OR51B5: variants seen among roughly 807,000 people sequenced by gnomAD.
OR51B5 encodes the protein olfactory receptor 51B5.
For synonymous variants in OR51B5, 186 were observed against 144.8 expected, an observed-to-expected ratio of 1.28 and a Z score of -2.04; for missense variants, 456 against 374.6, an observed-to-expected ratio of 1.22 and a Z score of -1.79.
chr11:5,395,221 G>A (rs1849849640), intron 1 of OR51B5, among the ~76,000 whole-genome samples: 1 of 152,202 alleles, frequency 6.6e-6, no homozygotes, highest in African/African-American at 2.4e-5. Flanking sequence ...CCAAGGAAGA[G>A]AGACAGCTTT....
chr11:5,418,248 A>T (rs1433388115), intron 1 of OR51B5, among the ~76,000 whole-genome samples: 4 of 151,876 alleles, frequency 2.6e-5, no homozygotes, highest in African/African-American at 9.7e-5. Flanking sequence ...CACTCTGGGG[A>T]CTGTTGTGGG....
intron 1 of OR51B5, among the ~76,000 whole-genome samples, chr11:5,418,754 G>T (rs1254988114): frequency 6.6e-6 from 1 of 151,898 alleles, no homozygotes; most frequent in Non-Finnish European, 1.5e-5. Context: ...GGGAGGGATA[G>T]CATTAGGAGA....
chr11:5,449,910 C>T (rs1045033161), intron 1 of OR51B5, among the ~76,000 whole-genome samples: 1 of 152,164 alleles, frequency 6.6e-6, no homozygotes, highest in African/African-American at 2.4e-5. Flanking sequence ...TCTTTATTAT[C>T]CATGATACAG....
intron 1 of OR51B5, among the ~76,000 whole-genome samples, chr11:5,472,717 G>C (rs1851246494): frequency 6.6e-6 from 1 of 152,184 alleles, no homozygotes; most frequent in Non-Finnish European, 1.5e-5. Context: ...CATTTTGTAG[G>C]AGAGCTGACG....
chr11:5,484,562 C>T (rs1327455664), intron 1 of OR51B5, among the ~76,000 whole-genome samples: 1 of 152,162 alleles, frequency 6.6e-6, no homozygotes, highest in Non-Finnish European at 1.5e-5. Flanking sequence ...AGTGTCATCA[C>T]TAAAAAATAT....
At position 5,441,036 on chromosome 11, in the gene OR51B5, G is replaced by C. The variant is rs780848237; in HGVS notation, n.84+64533C>G. 3.1e-6 allele frequency: 5 copies of C among 1,613,844 alleles called. No homozygotes were observed. The African/African-American group carries it at 4.0e-5, about 13-fold the overall frequency. On this transcript the variant is annotated intron_variant and non_coding_transcript_variant, in intron 1 of 4. Transcript: ENST00000415970. ...CAGTCGTTTCACCACAAAAGGGAAA[G>C]GGAAGAGAGTGGTGAAACTCTTGGT...
intron 1 of OR51B5, among the ~76,000 whole-genome samples, chr11:5,354,085 C>A (rs1348970292): frequency 2.0e-5 from 3 of 152,130 alleles, no homozygotes; most frequent in African/African-American, 7.2e-5. Flanking sequence ...CCATTTTTAA[C>A]AAAATATAAT....
intron 1 of OR51B5, among the ~76,000 whole-genome samples, chr11:5,424,498 G>A (rs1385537789): frequency 6.6e-6 from 1 of 152,096 alleles, no homozygotes; most frequent in African/African-American, 2.4e-5. Context: ...ATGGCATGAA[G>A]TTCCTGAGGC....
At chr11:5,476,758 T>C (rs1851312269) in intron 1 of OR51B5, among the ~76,000 whole-genome samples, 1 of 152,074 alleles carries the variant, frequency 6.6e-6, no homozygotes, top group Non-Finnish European at 1.5e-5. Flanking sequence ...AGTTACTTAA[T>C]CTGTTCTTTA....
intron 1 of OR51B5, among the ~76,000 whole-genome samples, chr11:5,364,635 C>T (rs1195849513): frequency 6.6e-6 from 1 of 151,312 alleles, no homozygotes; most frequent in Non-Finnish European, 1.5e-5. Context: ...CCTCTTCTCA[C>T]TCCATCCTCA....
intron 1 of OR51B5, among the ~76,000 whole-genome samples, chr11:5,357,917 G>C (rs1849219977): frequency 1.3e-5 from 2 of 152,014 alleles, no homozygotes; most frequent in Non-Finnish European, 2.9e-5. Context: ...AATGAAGGCA[G>C]AAATAAAAAT....
At position 5,473,225 on chromosome 11, in the gene OR51B5, A is replaced by T. The variant is rs113115986; in HGVS notation, n.84+32344T>A. On this transcript the variant is annotated intron_variant and non_coding_transcript_variant, in intron 1 of 4. Coordinates refer to the OR51B5 transcript ENST00000415970. Reference sequence around the variant, plus strand: ...CCAATTTTTTATATGCCAGAAAAAAAATCTTGAATAAGGGGTGCAAATGCC... The same window carrying T: ...CCAATTTTTTATATGCCAGAAAAAATATCTTGAATAAGGGGTGCAAATGCC... Among the ~76,000 whole-genome samples, 366 of 152,316 alleles carry T rather than the reference A, an allele frequency of 2.4e-3. 2 individuals carry two copies. Among genetic ancestry groups the T allele is most frequent in the African/African-American group, 8.3e-3 (343 of 41,568 alleles).
chr11:5,405,569 TCACTTTC>T (rs1850046444), intron 1 of OR51B5, among the ~76,000 whole-genome samples: 1 of 152,172 alleles, frequency 6.6e-6, no homozygotes, highest in Admixed American at 6.5e-5. Context: ...GCTGTACATT[TCACTTTC>T]TGGAATGTTG....
intron 1 of OR51B5, among the ~76,000 whole-genome samples, chr11:5,475,737 C>T (rs2133804196): frequency 6.6e-6 from 1 of 152,216 alleles, no homozygotes; most frequent in Middle Eastern, 3.4e-3. Context: ...ATATTCAAGG[C>T]ACCCAGCATG....
At chr11:5,439,547 G>T (rs1179418109) in intron 1 of OR51B5, among the ~76,000 whole-genome samples, 1 of 152,158 alleles carries the variant, frequency 6.6e-6, no homozygotes, top group African/African-American at 2.4e-5. Flanking sequence ...AATAGATATG[G>T]AAATAACTTG....
chr11:5,397,454 T>A (rs1421578369), intron 1 of OR51B5, among the ~76,000 whole-genome samples: 1 of 151,906 alleles, frequency 6.6e-6, no homozygotes, highest in Non-Finnish European at 1.5e-5. Context: ...GAAAAAATGC[T>A]CATCATCACT....
At chr11:5,431,302 G>A (rs954436837) in intron 1 of OR51B5, 2 of 303,630 alleles carry the variant, frequency 6.6e-6, no homozygotes, top group South Asian at 3.1e-5. Flanking sequence ...GAACATCTGG[G>A]CCAGGCAGCC....
intron 1 of OR51B5, among the ~76,000 whole-genome samples, chr11:5,464,736 A>G (rs918704898): frequency 3.3e-5 from 5 of 152,172 alleles, no homozygotes; most frequent in South Asian, 2.1e-4. Flanking sequence ...GAATAATGCC[A>G]CAATAAACAT....
intron 1 of OR51B5, chr11:5,431,264 A>C: frequency 3.1e-6 from 1 of 319,500 alleles, no homozygotes; most frequent in Non-Finnish European, 6.2e-6. Flanking sequence ...AGGACCCCTG[A>C]CTCCATGCAG....
Sources: gnomAD v4.1 joint callset for allele counts (sites outside exome capture counted in the v4.1 genomes callset) on GRCh38, gnomAD v4.1.1 for gene constraint, MANE v1.5 for transcripts, NCBI Gene and HGNC (gene_info 2026-07-23, HGNC 2026-07-21) for gene names.